IFNGR1: variants seen among roughly 807,000 people sequenced by gnomAD.
IFNGR1 encodes the protein interferon gamma receptor 1.
IFNGR1 carries 23 observed loss-of-function variants against 35.4 expected under a neutral mutation model. The observed-to-expected ratio is 0.65, with a 90% CI of 0.47 to 0.92. IFNGR1 has a LOEUF of 0.92. Ranked by LOEUF, IFNGR1 falls within the 40% of genes least tolerant of loss-of-function variation. The probability of loss-of-function intolerance (pLI) is 0.00; values close to 1 mark genes in which losing one functional copy is unlikely to be tolerated. For synonymous variants in IFNGR1, 199 were observed against 209.5 expected (o/e 0.95, Z 0.43); for missense variants, 533 against 583.4 (o/e 0.91, Z 0.89).
At chr6:137,206,354 A>G in intron 2 of IFNGR1, 46 bp from the exon 3 acceptor site, 1 of 1,415,446 alleles carries the variant, frequency 7.1e-7, no homozygotes, top group Non-Finnish European at 1.0e-6. Flanking sequence ...TTGTTATTAA[A>G]TAAACTCAAA....
chr6:137,201,216 C>G (rs1040004818), intron 5 of IFNGR1, among the ~76,000 whole-genome samples: 2 of 152,212 alleles, frequency 1.3e-5, no homozygotes, highest in African/African-American at 4.8e-5. Flanking sequence ...CCCAGCTCTG[C>G]AATTCTAGAA....
intron 1 of IFNGR1, among the ~76,000 whole-genome samples, chr6:137,215,862 C>T (rs916071585): frequency 2.0e-5 from 3 of 152,134 alleles, no homozygotes; most frequent in African/African-American, 4.8e-5. Context: ...CAGGCACATG[C>T]CACCACACAG....
intron 1 of IFNGR1, chr6:137,219,027 C>G: frequency 1.7e-6 from 1 of 603,364 alleles, no homozygotes. Flanking sequence ...TGGCGGCAAC[C>G]AGGGAAGAGG....
intron 1 of IFNGR1, among the ~76,000 whole-genome samples, chr6:137,216,468 GC>G (rs1301248754): frequency 6.6e-6 from 1 of 152,212 alleles, no homozygotes; most frequent in Non-Finnish European, 1.5e-5. Context: ...ATTAATGAAA[GC>G]CCATGAATGT....
At position 137,199,458 on chromosome 6, in the gene IFNGR1, C is replaced by T. The variant is rs55646338; in HGVS notation, c.862-819G>A. Among the ~76,000 whole-genome samples, 147 of 23,692 alleles carry T rather than the reference C, an allele frequency of 6.2e-3. 2 individuals are homozygous for T. The highest frequency in any genetic ancestry group is 0.026 in the African/African-American group (131 of 4,948). The allele number at this position is 23,692 out of a possible 152,430, so 15.5% of individuals were successfully genotyped here. ...ATAATATAATATATAAAATATATAACTTATATTATATAAAATATATAATTT... is the reference window on the plus strand; with the variant it reads ...ATAATATAATATATAAAATATATAATTTATATTATATAAAATATATAATTT... On this transcript the variant is annotated intron_variant, in intron 6 of 6. Coordinates refer to ENST00000367739, the MANE Select transcript of IFNGR1 (RefSeq NM_000416.3).
intron 1 of IFNGR1, 62 bp downstream of exon 1, chr6:137,219,181 G>C: frequency 6.5e-7 from 1 of 1,548,962 alleles, no homozygotes. Flanking sequence ...TTCCCGGCTG[G>C]GGCGGATCCC....
At position 137,198,445 on chromosome 6, in the gene IFNGR1, T is replaced by C. The variant is rs199641966; in HGVS notation, c.1056A>G (p.Ile352Met). The C allele has an allele frequency of 3.2e-5, 51 of 1,614,074 alleles. No individual in the cohort carries two copies. Among genetic ancestry groups the C allele is most frequent in the Non-Finnish European group, 4.2e-5 (49 of 1,180,050 alleles). The change falls in exon 7 of 7, where the codon ATA (isoleucine) becomes ATG (methionine). Residue 352 changes from isoleucine (I) to methionine (M), a missense_variant. By Grantham distance (10) the Ile-to-Met change is conservative (BLOSUM62 1). Transcript: ENST00000367739. Reference sequence around the variant, plus strand: ...TTTCTTCAGTAGTCACCACTTCTGTTATACTAGAAAGTTCTTCTGTATGTT... The same window carrying C: ...TTTCTTCAGTAGTCACCACTTCTGTCATACTAGAAAGTTCTTCTGTATGTT... ...KVEHTEELSS[I>M]TEVVTTEENI...
intron 1 of IFNGR1, among the ~76,000 whole-genome samples, chr6:137,218,037 C>T (rs796719370): frequency 1.2e-4 from 18 of 152,322 alleles, no homozygotes; most frequent in African/African-American, 4.3e-4. Context: ...CCGCAAAGTA[C>T]TGCAACTGCC....
chr6:137,207,046 G>T lies in IFNGR1; in HGVS notation c.117C>A (p.Ser39=). The T allele has an allele frequency of 6.2e-7, 1 of 1,613,880 alleles. No homozygotes were observed. Among genetic ancestry groups the T allele is most frequent in the Middle Eastern group, 1.7e-4 (1 of 6,058 alleles). Residue 39 remains serine (S), a synonymous_variant, in exon 2 of 7, where the codon TCC becomes TCA. Transcript: ENST00000367739. Reference sequence around the variant, plus strand: ...AATATACGATAGGGTTCATGTTATAGGATTCAATTGTAACATTAGTTGGTG... The same window carrying T: ...AATATACGATAGGGTTCATGTTATATGATTCAATTGTAACATTAGTTGGTG... ...VPTPTNVTIE[S]YNMNPIVYWE...
At position 137,204,508 on chromosome 6, in the gene IFNGR1, G is replaced by A. The variant is rs1235581100; in HGVS notation, c.374-4C>T. 1.9e-6 allele frequency: 3 copies of A among 1,610,614 alleles called. No individual in the cohort carries two copies. Among genetic ancestry groups the A allele is most frequent in the Non-Finnish European group, 2.5e-6 (3 of 1,176,906 alleles). On this transcript the variant is annotated splice_polypyrimidine_tract_variant and splice_region_variant and intron_variant, in intron 3 of 6. Coordinates refer to ENST00000367739, the MANE Select transcript of IFNGR1 (RefSeq NM_000416.3). ...AGTTTAGGTGGTCCAATTTTTCCTG[G>A]GGAAGGAGGAGGAGGAAGTATAATA...
rs1779473468 is a variant in IFNGR1, at chr6:137,207,692, C to T, written c.86-615G>A. Among the ~76,000 whole-genome samples, 6 of 152,240 alleles carry T rather than the reference C, an allele frequency of 3.9e-5. No individual in the cohort carries two copies. In the South Asian group the frequency reaches 1.2e-3, roughly 32 times the overall value. ...CCACCATGTAAGAAGTGCCTTTCTC[C>T]CCCGCCATGATTCTGAGGCCTCTCC... On this transcript the variant is annotated intron_variant, in intron 1 of 6. Coordinates refer to ENST00000367739, the MANE Select transcript of IFNGR1 (RefSeq NM_000416.3).
Position 137,206,171 on chromosome 6 carries a change from T to C in IFNGR1, c.338A>G (p.Tyr113Cys), listed in dbSNP as rs1378351929. The change falls in exon 3 of 7, where the codon TAT (tyrosine) becomes TGT (cysteine). Residue 113 changes from tyrosine to cysteine, a missense_variant. Physicochemically the swap from Tyr to Cys is radical, Grantham distance 194. Coordinates refer to ENST00000367739, the MANE Select transcript of IFNGR1 (RefSeq NM_000416.3). ...TACAGCAAATTCTTCTGACTTTGCA[T>C]AGGCAGATTCTTTTTGTCCAACCCT... Reference protein sequence around the residue: ...KARVGQKESAYAKSEEFAVCR... With the variant: ...KARVGQKESACAKSEEFAVCR... The C allele has an allele frequency of 2.5e-6, 4 of 1,614,030 alleles. No individual in the cohort carries two copies. The highest frequency in any genetic ancestry group is 2.2e-5 in the East Asian group (1 of 44,884).
At chr6:137,217,379 T>C (rs1562291572) in intron 1 of IFNGR1, among the ~76,000 whole-genome samples, 1 of 152,366 alleles carries the variant, frequency 6.6e-6, no homozygotes, top group African/African-American at 2.4e-5. Flanking sequence ...TGTATTATTT[T>C]GTTGGCTCAA....
At chr6:137,215,896 A>G (rs1418590508) in intron 1 of IFNGR1, among the ~76,000 whole-genome samples, 1 of 152,122 alleles carries the variant, frequency 6.6e-6, no homozygotes, top group Non-Finnish European at 1.5e-5. Context: ...ATTTTTTTGT[A>G]GAGATGGGTT....
chr6:137,215,951 A>C (rs1042376368), intron 1 of IFNGR1, among the ~76,000 whole-genome samples: 2 of 152,124 alleles, frequency 1.3e-5, no homozygotes, highest in Non-Finnish European at 2.9e-5. Flanking sequence ...GGCTCCAGTG[A>C]TCCTTCCGCC....
intron 1 of IFNGR1, chr6:137,209,784 C>A: frequency 2.5e-6 from 1 of 399,006 alleles, no homozygotes; most frequent in South Asian, 1.3e-4. Context: ...TACCATCAAC[C>A]TCTCAACTCT....
rs146420583 is a variant in IFNGR1 at position 137,203,644 on chromosome 6, G to A, written c.588C>T (p.Asp196=). ...GAATCGCTAACTGGCACTGAATCTCGTCACAATCATCTTCCTTCTGCGTGA... is the reference window on the plus strand; with the variant it reads ...GAATCGCTAACTGGCACTGAATCTCATCACAATCATCTTCCTTCTGCGTGA... ...KILTQKEDDC[D]EIQCQLAIPV... Residue 196 remains aspartate (D), a synonymous_variant, in exon 5 of 7, where the codon GAC becomes GAT. Coordinates refer to ENST00000367739, the MANE Select transcript of IFNGR1 (RefSeq NM_000416.3). 213 of 1,612,252 alleles carry A rather than the reference G, an allele frequency of 1.3e-4. 1 individual carries two copies. Among genetic ancestry groups the A allele is most frequent in the Non-Finnish European group, 1.7e-4 (206 of 1,179,022 alleles).
chr6:137,203,389 A>G, intron 5 of IFNGR1, 110 bp downstream of exon 5: 2 of 720,938 alleles, frequency 2.8e-6, no homozygotes, highest in Admixed American at 2.0e-5. Context: ...ATGCAAATGA[A>G]TATTGTTAAA....
At chr6:137,204,532 T>C (rs775961555) in intron 3 of IFNGR1, 28 bp from the exon 4 acceptor site, 1 of 1,542,692 alleles carries the variant, frequency 6.5e-7, no homozygotes, top group Non-Finnish European at 9.0e-7. Context: ...GGAAGTATAA[T>C]AAATACTGGC....
Sources: allele counts gnomAD v4.1 joint callset (sites outside exome capture counted in the v4.1 genomes callset), GRCh38; gene constraint gnomAD v4.1.1; transcripts MANE v1.5; gene names NCBI Gene and HGNC (gene_info 2026-07-23, HGNC 2026-07-21).